RBMS3: variants seen among roughly 807,000 people sequenced by gnomAD.
RBMS3 encodes RNA binding motif single stranded interacting protein 3.
Under a neutral mutation model 66.8 loss-of-function variants are expected in RBMS3, and 27 were observed. The ratio of observed to expected loss-of-function variants is 0.40; its 90% CI spans 0.30 to 0.56. RBMS3 has a LOEUF of 0.56. Ranked by LOEUF, RBMS3 falls within the 20% of genes least tolerant of loss-of-function variation. The pLI is 0.40. For synonymous variants in RBMS3, 188 were observed against 183.0 expected, an observed-to-expected ratio of 1.03 and a Z score of -0.22; for missense variants, 513 against 549.5, an observed-to-expected ratio of 0.93 and a Z score of 0.66.
At chr3:29,473,777 G>A (rs1186873046) in intron 2 of RBMS3, among the ~76,000 whole-genome samples, 4 of 152,202 alleles carry the variant, frequency 2.6e-5, no homozygotes, top group African/African-American at 9.7e-5. Context: ...GGGCCGGCAG[G>A]GCCGGCCAGC....
At chr3:29,770,948 C>G (rs1053791895) in intron 6 of RBMS3, among the ~76,000 whole-genome samples, 2 of 152,028 alleles carry the variant, frequency 1.3e-5, no homozygotes, top group African/African-American at 4.8e-5. Flanking sequence ...GAATTAAATA[C>G]TTGCAACTCT....
At chr3:29,502,990 C>T (rs943330840) in intron 3 of RBMS3, among the ~76,000 whole-genome samples, 2 of 152,032 alleles carry the variant, frequency 1.3e-5, no homozygotes, top group African/African-American at 4.8e-5. Flanking sequence ...AGGTTAAGAC[C>T]TCTGAGGAGG....
intron 4 of RBMS3, among the ~76,000 whole-genome samples, chr3:29,709,033 G>A (rs1195032413): frequency 6.6e-6 from 1 of 152,104 alleles, no homozygotes; most frequent in Non-Finnish European, 1.5e-5. Context: ...GACCACTCTA[G>A]CTCCCACTGG....
chr3:29,686,941 A>G (rs570282258), intron 4 of RBMS3, among the ~76,000 whole-genome samples: 1 of 152,322 alleles, frequency 6.6e-6, no homozygotes, highest in Admixed American at 6.5e-5. Context: ...TAGTAAACAT[A>G]GCCCTTATCT....
At chr3:29,392,938 T>C (rs1246068889) in intron 1 of RBMS3, among the ~76,000 whole-genome samples, 1 of 152,066 alleles carries the variant, frequency 6.6e-6, no homozygotes, top group African/African-American at 2.4e-5. Flanking sequence ...AGACTTATCT[T>C]CTCCCTGTTA....
chr3:29,507,102 T>A (rs1191808732), intron 3 of RBMS3, among the ~76,000 whole-genome samples: 13 of 151,964 alleles, frequency 8.6e-5, no homozygotes, highest in Middle Eastern at 3.4e-3. Flanking sequence ...TGTTTTTTTT[T>A]ATTCTGCTAA....
At chr3:29,930,902 A>G (rs2061103535) in intron 10 of RBMS3, among the ~76,000 whole-genome samples, 1 of 152,166 alleles carries the variant, frequency 6.6e-6, no homozygotes, top group African/African-American at 2.4e-5. Flanking sequence ...AGTTTTCTCA[A>G]GAATTTTGTA....
intron 4 of RBMS3, among the ~76,000 whole-genome samples, chr3:29,595,416 G>T (rs990698944): frequency 9.1e-5 from 12 of 132,410 alleles, no homozygotes; most frequent in Admixed American, 7.5e-4. Context: ...AAAAAAAAAA[G>T]AAAAGAAAGA....
intron 1 of RBMS3, among the ~76,000 whole-genome samples, chr3:29,304,026 T>G (rs2033849403): frequency 6.6e-6 from 1 of 151,932 alleles, no homozygotes; most frequent in South Asian, 2.1e-4. Context: ...TGATTCAAAT[T>G]ATCTCCCACC....
In RBMS3 at chr3:30,005,416, C is replaced by T. The variant is rs1559884507; in HGVS notation, c.*1554C>T. 6.6e-6 allele frequency: 1 copy of T among 151,778 alleles called. No individual in the cohort carries two copies. The highest frequency in any genetic ancestry group is 1.5e-5 in the Non-Finnish European group (1 of 67,820). 9.4% of individuals were successfully genotyped at this position (151,778 alleles called of 1,614,324 possible). A position where few individuals can be genotyped will look rare whatever the true frequency, so the allele number is the denominator to read the frequency against. ...CCTGTATTGATGGCCACTAGTAAACCAAGATGCTTATTTAACAGGTGGAAT... is the reference window on the plus strand; with the variant it reads ...CCTGTATTGATGGCCACTAGTAAACTAAGATGCTTATTTAACAGGTGGAAT... On this transcript the variant is annotated 3_prime_UTR_variant, in exon 15 of 15. Coordinates refer to ENST00000383767, the MANE Select transcript of RBMS3 (RefSeq NM_001003793.3).
At chr3:29,687,997 T>C (rs2051807703) in intron 4 of RBMS3, among the ~76,000 whole-genome samples, 1 of 152,218 alleles carries the variant, frequency 6.6e-6, no homozygotes, top group Non-Finnish European at 1.5e-5. Flanking sequence ...TCAGTGGTAC[T>C]AGAGGAAGCT....
Position 29,614,606 on chromosome 3 carries a change from AG to A in RBMS3, c.399+27403del, listed in dbSNP as rs1353997035. The A allele has an allele frequency of 6.6e-5, 10 of 152,326 alleles. No homozygotes were observed. The East Asian group carries it at 1.9e-3, about 29-fold the overall frequency. 9.4% of individuals were successfully genotyped at this position (152,326 alleles called of 1,614,324 possible). On this transcript the variant is annotated intron_variant, in intron 4 of 14. Coordinates refer to ENST00000383767, the MANE Select transcript of RBMS3 (RefSeq NM_001003793.3). ...GTTGATACAATAAATCAATGGGAGA[AG>A]GATGGACTATTTAGCACGGGAACAA...
intron 6 of RBMS3, among the ~76,000 whole-genome samples, chr3:29,843,569 C>A (rs2058711645): frequency 6.6e-6 from 1 of 152,142 alleles, no homozygotes; most frequent in Admixed American, 6.5e-5. Context: ...ATGTATCGAG[C>A]CACGGACGTT....
chr3:29,282,146 T>C (rs2031855477), intron 1 of RBMS3, among the ~76,000 whole-genome samples: 1 of 152,140 alleles, frequency 6.6e-6, no homozygotes, highest in African/African-American at 2.4e-5. Context: ...TCTTTGATTG[T>C]GGCTCTAAAA....
At chr3:29,991,045 G>A (rs772852013) in intron 13 of RBMS3, 37 bp from the exon 14 acceptor site, 24 of 1,605,514 alleles carry the variant, frequency 1.5e-5, no homozygotes, top group Non-Finnish European at 1.9e-5. Context: ...CTTCACTGAA[G>A]CAAGTAAGGC....
At chr3:29,395,185 C>G (rs1229306002) in intron 1 of RBMS3, among the ~76,000 whole-genome samples, 7 of 152,086 alleles carry the variant, frequency 4.6e-5, no homozygotes, top group Non-Finnish European at 8.8e-5. Context: ...CAAAGTATCC[C>G]TCTCCTCTCC....
At chr3:29,372,959 G>A (rs2038283461) in intron 1 of RBMS3, among the ~76,000 whole-genome samples, 1 of 151,610 alleles carries the variant, frequency 6.6e-6, no homozygotes, top group South Asian at 2.1e-4. Context: ...GCTCATTTAT[G>A]TTATCCCTAT....
chr3:29,498,121 A>G (rs1281799996), intron 3 of RBMS3, among the ~76,000 whole-genome samples: 1 of 150,690 alleles, frequency 6.6e-6, no homozygotes, highest in Non-Finnish European at 1.5e-5. Flanking sequence ...CAGCCTCCCA[A>G]GTAGCTGGGA....
intron 12 of RBMS3, among the ~76,000 whole-genome samples, chr3:29,975,102 A>C (rs1362997800): frequency 7.0e-6 from 1 of 142,830 alleles, no homozygotes; most frequent in African/African-American, 2.6e-5. Flanking sequence ...TTCTATATTT[A>C]TATATTTTAT....
Sources: gnomAD v4.1 joint callset for allele counts (sites outside exome capture counted in the v4.1 genomes callset) on GRCh38, gnomAD v4.1.1 for gene constraint, MANE v1.5 for transcripts, NCBI Gene and HGNC (gene_info 2026-07-23, HGNC 2026-07-21) for gene names.